The following TCF4 variants were observed in gnomAD, a reference collection of about 807,000 sequenced individuals.
TCF4 encodes the protein SL3-3 enhancer factor 2.
In TCF4, 3 loss-of-function variants were observed where a neutral mutation model predicts 82.1. That is an observed-to-expected ratio of 0.04 (90% CI 0.02 to 0.09). The LOEUF is 0.09. TCF4 is among the 10% of genes least tolerant of loss of function. The pLI is 1.00. For missense variants in TCF4, 518 were observed against 852.7 expected, an observed-to-expected ratio of 0.61 and a Z score of 4.89; for synonymous variants, 276 against 309.6, an observed-to-expected ratio of 0.89 and a Z score of 1.14.
intron 6 of TCF4, among the ~76,000 whole-genome samples, chr18:55,385,188 C>T (rs1435573722): frequency 6.6e-6 from 1 of 152,072 alleles, no homozygotes; most frequent in Admixed American, 6.6e-5. Context: ...TGGCTATCCA[C>T]CTGCAGCACA....
At chr18:55,558,919 G>C (rs907966517) in intron 3 of TCF4, among the ~76,000 whole-genome samples, 1 of 151,996 alleles carries the variant, frequency 6.6e-6, no homozygotes, top group African/African-American at 2.4e-5. Flanking sequence ...CAGGAAGAGA[G>C]AGGGCTAAAG....
At chr18:55,336,973 C>T (rs898089609) in intron 8 of TCF4, among the ~76,000 whole-genome samples, 6 of 151,800 alleles carry the variant, frequency 4.0e-5, no homozygotes, top group African/African-American at 1.2e-4. Context: ...GCAAAGAAGC[C>T]CTTATGGTGA....
rs567132956 is a variant in TCF4 at position 55,516,544 on chromosome 18, G to C, written c.146-52407C>G. Among the ~76,000 whole-genome samples the C allele has an allele frequency of 1.3e-4, 20 of 152,268 alleles. 1 individual carries two copies. The South Asian group carries it at 2.5e-3, about 19-fold the overall frequency. ...ACAGAGCAGGATGGAGAGTGATCCGGAGGCCTGGATGGAGAAAAACTAAGT... is the reference window on the plus strand; with the variant it reads ...ACAGAGCAGGATGGAGAGTGATCCGCAGGCCTGGATGGAGAAAAACTAAGT... On this transcript the variant is annotated intron_variant, in intron 3 of 19. Transcript: ENST00000354452.
intron 5 of TCF4, chr18:55,403,764 T>C: frequency 2.6e-6 from 4 of 1,532,680 alleles, no homozygotes; most frequent in East Asian, 2.4e-5. Flanking sequence ...GTCATTCCAA[T>C]GGCCTCCACT....
rs1197749464 is a variant in TCF4, at chr18:55,223,426, T to C, written c.*4609A>G. 1.3e-5 allele frequency: 2 copies of C among 152,608 alleles called. No homozygotes were observed. The highest frequency in any genetic ancestry group is 1.9e-4 in the East Asian group (1 of 5,200). 9.5% of individuals were successfully genotyped at this position (152,608 alleles called of 1,614,324 possible). A position where few individuals can be genotyped will look rare whatever the true frequency, so the allele number is the denominator to read the frequency against. The stretch of plus-strand genomic sequence containing the variant: ...TCATAGCTATATGGACAATGCAAAA[T>C]GAAATGAAACAAGTGTCAGAAACAG... On this transcript the variant is annotated 3_prime_UTR_variant, in exon 20 of 20. Coordinates refer to ENST00000354452, the MANE Select transcript of TCF4 (RefSeq NM_001083962.2).
intron 8 of TCF4, among the ~76,000 whole-genome samples, chr18:55,341,268 C>T (rs1011270928): frequency 1.3e-5 from 2 of 152,122 alleles, no homozygotes; most frequent in Non-Finnish European, 2.9e-5. Flanking sequence ...TATGTGTGAC[C>T]GCAGACATGT....
exon 1 of TCF4, chr18:55,635,916 G>A (rs757720737): frequency 1.3e-5 from 20 of 1,572,026 alleles, no homozygotes; most frequent in East Asian, 2.3e-5. Flanking sequence ...TCCTTTGGCC[G>A]CATAAGTGCC....
intron 3 of TCF4, among the ~76,000 whole-genome samples, chr18:55,552,691 T>G (rs1464279401): frequency 6.6e-6 from 1 of 152,252 alleles, no homozygotes; most frequent in Non-Finnish European, 1.5e-5. Flanking sequence ...AACGCATGGC[T>G]GCAGTTCAAT....
At chr18:55,231,779 T>C (rs1199999542) in intron 17 of TCF4, 4 of 152,320 alleles carry the variant, frequency 2.6e-5, no homozygotes, top group East Asian at 3.9e-4. Flanking sequence ...AGATTCCAGA[T>C]AGAACCTTGA....
In TCF4 at chr18:55,620,498, T is replaced by C. The variant is rs555258427; in HGVS notation, c.286+10800A>G. On this transcript the variant is annotated intron_variant, in intron 2 of 20. Coordinates refer to the TCF4 transcript ENST00000398339. ...TTTCAAATGGTTCATTCCTGGACCA[T>C]AGGTTGTTTCATTACATGTGTTCCT... Among the ~76,000 whole-genome samples the C allele has an allele frequency of 6.6e-5, 10 of 152,166 alleles. No individual in the cohort carries two copies. The South Asian group carries it at 1.9e-3, about 28-fold the overall frequency.
intron 3 of TCF4, among the ~76,000 whole-genome samples, chr18:55,483,380 T>C (rs543877690): frequency 6.6e-6 from 1 of 152,358 alleles, no homozygotes; most frequent in African/African-American, 2.4e-5. Flanking sequence ...TAAATACTCA[T>C]TCGTTTCACA....
At position 55,584,253 on chromosome 18, in the gene TCF4, A is replaced by G. The variant is rs1374290802; in HGVS notation, c.145+1027T>C. Among the ~76,000 whole-genome samples, 2 of 152,180 alleles carry G rather than the reference A, an allele frequency of 1.3e-5. 1 individual carries two copies. The highest frequency in any genetic ancestry group is 4.8e-5 in the African/African-American group (2 of 41,462). ...TATTAAAAGATGTTAAATTATATTC[A>G]TAGTTGACAGACAATTCCACTGGCA... is the stretch of plus-strand genomic sequence containing the variant. On this transcript the variant is annotated intron_variant, in intron 3 of 19. Coordinates refer to ENST00000354452, the MANE Select transcript of TCF4 (RefSeq NM_001083962.2).
intron 2 of TCF4, among the ~76,000 whole-genome samples, chr18:55,610,338 ATTTGGTTTGAG>A (rs964194341): frequency 4.6e-5 from 7 of 152,024 alleles, no homozygotes; most frequent in Non-Finnish European, 8.8e-5. Flanking sequence ...CTGCGGGTTA[ATTTGGTTTGAG>A]TTTGGTTGGC....
chr18:55,567,546 C>G lies in TCF4; in HGVS notation c.145+17734G>C, dbSNP rs1207895574. Among the ~76,000 whole-genome samples, 5 of 152,124 alleles carry G rather than the reference C, an allele frequency of 3.3e-5. No homozygotes were observed. In the East Asian group the frequency reaches 7.7e-4, roughly 23 times the overall value. On this transcript the variant is annotated intron_variant, in intron 3 of 19. Coordinates refer to ENST00000354452, the MANE Select transcript of TCF4 (RefSeq NM_001083962.2). The stretch of plus-strand genomic sequence containing the variant: ...TGGCCAACATGGTGAAACCCAGTCT[C>G]TACTGAAAATACAAAAATTAGCTGG...
chr18:55,376,018 C>CTTT lies in TCF4; in HGVS notation c.370-25018_370-25016dup, dbSNP rs772990901. Reference sequence around the variant, plus strand: ...ATTATTTTTATTATATTTTCTTCTCCTTTTTTTTTTTTTTTTTTTTTTAGA... The same window carrying CTTT: ...ATTATTTTTATTATATTTTCTTCTCCTTTTTTTTTTTTTTTTTTTTTTTTTAGA... On this transcript the variant is annotated intron_variant, in intron 6 of 19. Coordinates refer to ENST00000354452, the MANE Select transcript of TCF4 (RefSeq NM_001083962.2). 5.1e-4 allele frequency among the ~76,000 whole-genome samples: 62 copies of CTTT among 122,740 alleles called. 1 individual carries two copies. Among genetic ancestry groups the CTTT allele is most frequent in the African/African-American group, 1.5e-3 (47 of 31,118 alleles). 80.5% of individuals were successfully genotyped at this position (122,740 alleles called of 152,430 possible).
At chr18:55,478,956 T>C (rs1301421070) in intron 3 of TCF4, among the ~76,000 whole-genome samples, 2 of 152,028 alleles carry the variant, frequency 1.3e-5, no homozygotes, top group East Asian at 3.9e-4. Context: ...GAATGAAGTT[T>C]AATTACATGA....
chr18:55,239,557 CAT>C (rs1171738421), intron 15 of TCF4, among the ~76,000 whole-genome samples: 2 of 152,136 alleles, frequency 1.3e-5, no homozygotes, highest in Admixed American at 6.5e-5. Context: ...ATATAACATA[CAT>C]ATATATACGT....
At chr18:55,426,090 C>T (rs1315059237) in intron 5 of TCF4, among the ~76,000 whole-genome samples, 1 of 137,094 alleles carries the variant, frequency 7.3e-6, no homozygotes, top group Non-Finnish European at 1.5e-5. Flanking sequence ...CAAACCAAGA[C>T]AAAAAATTTT....
At chr18:55,317,118 A>C (rs551287783) in intron 8 of TCF4, among the ~76,000 whole-genome samples, 1 of 152,150 alleles carries the variant, frequency 6.6e-6, no homozygotes, top group African/African-American at 2.4e-5. Context: ...AATCAACATA[A>C]TTTTGTTTTA....
Sources: gnomAD v4.1 joint callset for allele counts (sites outside exome capture counted in the v4.1 genomes callset) on GRCh38, gnomAD v4.1.1 for gene constraint, MANE v1.5 for transcripts, NCBI Gene and HGNC (gene_info 2026-07-23, HGNC 2026-07-21) for gene names.